Variants in DCC observed in about 807,000 individuals in gnomAD.
The protein encoded by DCC is DCC netrin 1 receptor.
A neutral mutation model predicts 172.5 loss-of-function variants in DCC; 58 were observed. The observed-to-expected ratio is 0.34, with a 90% CI of 0.27 to 0.42. DCC has a LOEUF of 0.42. DCC is among the 10% of genes least tolerant of loss of function. The pLI is 1.00. For missense variants in DCC, 1,740 were observed against 1,791.0 expected (o/e 0.97, Z 0.51); for synonymous variants, 709 against 644.5 (o/e 1.10, Z -1.52).
intron 8 of DCC, among the ~76,000 whole-genome samples, chr18:53,171,213 T>G (rs188198049): frequency 1.6e-3 from 245 of 152,226 alleles, no homozygotes; most frequent in Non-Finnish European, 2.8e-3. Flanking sequence ...AAACTCCCTT[T>G]GATATGATAA....
At chr18:52,364,297 C>T (rs1443157291) in intron 1 of DCC, among the ~76,000 whole-genome samples, 2 of 151,832 alleles carry the variant, frequency 1.3e-5, no homozygotes, top group Non-Finnish European at 2.9e-5. Context: ...ATCTTATTTA[C>T]CAAAGAAAAT....
chr18:53,116,933 T>C (rs942608270), intron 7 of DCC, among the ~76,000 whole-genome samples: 3 of 151,728 alleles, frequency 2.0e-5, no homozygotes, highest in Non-Finnish European at 4.4e-5. Flanking sequence ...ATTTATTTTC[T>C]CTTGTGACCA....
intron 7 of DCC, among the ~76,000 whole-genome samples, chr18:53,127,773 T>A (rs544737712): frequency 6.6e-6 from 1 of 152,282 alleles, no homozygotes; most frequent in South Asian, 2.1e-4. Flanking sequence ...GCTCACAAGC[T>A]GCACAGTGAA....
At chr18:52,457,439 T>C (rs1171449483) in intron 1 of DCC, among the ~76,000 whole-genome samples, 1 of 152,220 alleles carries the variant, frequency 6.6e-6, no homozygotes, top group African/African-American at 2.4e-5. Context: ...GATTTAGAGA[T>C]GATGGGCACA....
chr18:53,422,864 C>A (rs1910708566), intron 21 of DCC, among the ~76,000 whole-genome samples: 1 of 152,118 alleles, frequency 6.6e-6, no homozygotes, highest in Admixed American at 6.6e-5. Context: ...TGCATAGTTT[C>A]AACACAGTTT....
chr18:53,346,393 C>A (rs1192513527), intron 15 of DCC, among the ~76,000 whole-genome samples: 1 of 152,132 alleles, frequency 6.6e-6, no homozygotes, highest in Non-Finnish European at 1.5e-5. Flanking sequence ...CACATTCCCT[C>A]TGAGACTATA....
At chr18:53,009,099 T>C (rs147570327) in intron 5 of DCC, among the ~76,000 whole-genome samples, 1 of 152,012 alleles carries the variant, frequency 6.6e-6, no homozygotes, top group East Asian at 1.9e-4. Flanking sequence ...AGTACCACAA[T>C]ATCCTAATTT....
intron 5 of DCC, among the ~76,000 whole-genome samples, chr18:52,953,240 C>A (rs937478570): frequency 2.0e-5 from 3 of 152,116 alleles, no homozygotes; most frequent in African/African-American, 7.2e-5. Flanking sequence ...TGTGAACTTT[C>A]ATTCTCAGTG....
At chr18:53,123,219 G>C (rs1039388321) in intron 7 of DCC, among the ~76,000 whole-genome samples, 1 of 152,038 alleles carries the variant, frequency 6.6e-6, no homozygotes, top group Non-Finnish European at 1.5e-5. Flanking sequence ...ATCTTATCCA[G>C]GCTTTTCTAG....
At chr18:53,283,684 A>G (rs1476938941) in intron 12 of DCC, among the ~76,000 whole-genome samples, 2 of 152,330 alleles carry the variant, frequency 1.3e-5, no homozygotes, top group Admixed American at 6.5e-5. Flanking sequence ...ATTAAAACAT[A>G]GGCCAGGATT....
At chr18:52,437,733 C>A (rs9951433) in intron 1 of DCC, among the ~76,000 whole-genome samples, 4,134 of 152,204 alleles carry the variant, frequency 0.027, 203 homozygotes, top group African/African-American at 0.093. Flanking sequence ...ATGCTTATCC[C>A]ACTTGTCTCT....
intron 2 of DCC, among the ~76,000 whole-genome samples, chr18:52,790,641 A>T (rs2037744347): frequency 6.6e-6 from 1 of 152,224 alleles, no homozygotes; most frequent in African/African-American, 2.4e-5. Context: ...CTGGGATATC[A>T]GAGTTGTCAA....
At position 52,985,885 on chromosome 18, in the gene DCC, G is replaced by T. The variant is rs904299151; in HGVS notation, c.985+60515G>T. ...GACTTCTCCCTAAAACTCTGTTCTG[G>T]TTTTATAGTTACAGCAGTTTCTTAA... is the stretch of plus-strand genomic sequence containing the variant. On this transcript the variant is annotated intron_variant, in intron 5 of 28. Transcript: ENST00000442544. Among the ~76,000 whole-genome samples, 3 of 152,098 alleles carry T rather than the reference G, an allele frequency of 2.0e-5. No individual in the cohort carries two copies. In the East Asian group the frequency reaches 5.8e-4, roughly 29 times the overall value.
chr18:53,321,695 C>T (rs2057412896), intron 13 of DCC, among the ~76,000 whole-genome samples: 5 of 152,226 alleles, frequency 3.3e-5, no homozygotes, highest in Admixed American at 3.3e-4. Context: ...TTTAGATTGA[C>T]TGTTCTTGAT....
intron 1 of DCC, among the ~76,000 whole-genome samples, chr18:52,408,889 G>A (rs2144397575): frequency 6.6e-6 from 1 of 152,154 alleles, no homozygotes; most frequent in African/African-American, 2.4e-5. Flanking sequence ...ATGATTTGTG[G>A]GAGTTTGGGG....
At chr18:53,165,344 G>C (rs930039268) in intron 8 of DCC, among the ~76,000 whole-genome samples, 2 of 152,264 alleles carry the variant, frequency 1.3e-5, no homozygotes, top group Admixed American at 1.3e-4. Context: ...TTTTCTGACT[G>C]ACATGGAGGA....
intron 15 of DCC, among the ~76,000 whole-genome samples, chr18:53,353,877 G>C (rs570105292): frequency 7.2e-5 from 11 of 152,170 alleles, no homozygotes; most frequent in African/African-American, 1.7e-4. Flanking sequence ...CCATTAACTT[G>C]TCATTTACAT....
chr18:53,298,403 T>A (rs1014318093), intron 12 of DCC, among the ~76,000 whole-genome samples: 1 of 151,576 alleles, frequency 6.6e-6, no homozygotes, highest in Non-Finnish European at 1.5e-5. Flanking sequence ...AGCCGGACTA[T>A]GTGGCTCCTG....
At chr18:52,378,639 C>T (rs895288791) in intron 1 of DCC, among the ~76,000 whole-genome samples, 6 of 152,158 alleles carry the variant, frequency 3.9e-5, no homozygotes, top group Non-Finnish European at 7.4e-5. Context: ...CTCTACTTCC[C>T]GGGTTCAAGT....
Sources: allele counts gnomAD v4.1 joint callset (sites outside exome capture counted in the v4.1 genomes callset), GRCh38; gene constraint gnomAD v4.1.1; transcripts MANE v1.5; gene names NCBI Gene and HGNC (gene_info 2026-07-23, HGNC 2026-07-21).